PRKN: variants seen among roughly 807,000 people sequenced by gnomAD.
The protein encoded by PRKN is E3 ubiquitin-protein ligase parkin.
Under a neutral mutation model 59.5 loss-of-function variants are expected in PRKN, and 56 were observed. The observed-to-expected ratio is 0.94, with a 90% CI of 0.76 to 1.18. The LOEUF (loss-of-function observed/expected upper bound fraction) is 1.18. Ranked by LOEUF, PRKN falls within the 50% of genes most tolerant of loss-of-function variation. The pLI, the probability that PRKN is intolerant of heterozygous loss-of-function variation, is 0.00. For missense variants in PRKN, 657 were observed against 596.4 expected (o/e 1.10, Z -1.06); for synonymous variants, 250 against 222.1 (o/e 1.13, Z -1.12).
intron 10 of PRKN, among the ~76,000 whole-genome samples, chr6:161,374,525 G>GCTT (rs1785577185): frequency 7.4e-6 from 1 of 134,592 alleles, no homozygotes; most frequent in African/African-American, 2.8e-5. Context: ...TGTGTGTAAT[G>GCTT]GGTGTGTGGT....
At chr6:161,664,470 T>C (rs1358969601) in intron 7 of PRKN, among the ~76,000 whole-genome samples, 1 of 152,216 alleles carries the variant, frequency 6.6e-6, no homozygotes, top group Non-Finnish European at 1.5e-5. Context: ...GTCACTTTAT[T>C]TATAGTTACG....
At chr6:161,679,679 C>A (rs1472540041) in intron 7 of PRKN, among the ~76,000 whole-genome samples, 1 of 138,730 alleles carries the variant, frequency 7.2e-6, no homozygotes, top group African/African-American at 2.7e-5. Context: ...GAACCACCCC[C>A]CCCCCTTTTT....
intron 10 of PRKN, among the ~76,000 whole-genome samples, chr6:161,370,378 A>G (rs1185719171): frequency 1.3e-5 from 2 of 151,328 alleles, no homozygotes; most frequent in Non-Finnish European, 2.9e-5. Flanking sequence ...AGGTCAGATC[A>G]AACCATCCTG....
chr6:162,669,631 A>C (rs1584017638), intron 1 of PRKN, among the ~76,000 whole-genome samples: 1 of 152,120 alleles, frequency 6.6e-6, no homozygotes, highest in Non-Finnish European at 1.5e-5. Context: ...TACTTCCCCA[A>C]AACAGATACT....
At chr6:161,621,224 G>A (rs1464424692) in intron 7 of PRKN, among the ~76,000 whole-genome samples, 7 of 152,100 alleles carry the variant, frequency 4.6e-5, no homozygotes, top group South Asian at 4.2e-4. Context: ...CATATATGAG[G>A]GGAGATTTCT....
intron 1 of PRKN, among the ~76,000 whole-genome samples, chr6:162,509,410 A>G (rs1777485139): frequency 6.6e-6 from 1 of 152,178 alleles, no homozygotes; most frequent in Non-Finnish European, 1.5e-5. Context: ...ATGTTGCCAT[A>G]TTCCCTGAAT....
intron 1 of PRKN, among the ~76,000 whole-genome samples, chr6:162,598,744 T>C (rs1297539334): frequency 1.3e-5 from 2 of 150,462 alleles, no homozygotes; most frequent in East Asian, 2.0e-4. Flanking sequence ...TCCCAGTTAC[T>C]CGGGAGGCTG....
chr6:161,461,598 A>G lies in PRKN; in HGVS notation c.1084-74721T>C, dbSNP rs903438044. ...GGCCTTCTGGAATCAATCAGTTATC[A>G]GTCAGCCACTGGAGATAAAAGGGTC... On this transcript the variant is annotated intron_variant, in intron 9 of 11. Coordinates refer to ENST00000366898, the MANE Select transcript of PRKN (RefSeq NM_004562.3). The surrounding 1 kb of genome is among the most constrained non-coding windows in gnomAD (Gnocchi z 5.1). Among the ~76,000 whole-genome samples the G allele has an allele frequency of 2.6e-5, 4 of 152,152 alleles. No individual in the cohort carries two copies. Among genetic ancestry groups the G allele is most frequent in the Non-Finnish European group, 5.9e-5 (4 of 68,032 alleles).
rs1786934982 is a variant in PRKN at position 161,399,680 on chromosome 6, T to C, written c.1084-12803A>G. 6.6e-6 allele frequency among the ~76,000 whole-genome samples: 1 copy of C among 152,142 alleles called. No individual in the cohort carries two copies. Among genetic ancestry groups the C allele is most frequent in the South Asian group, 2.1e-4 (1 of 4,824 alleles). ...GACCAATGGAGTTTGCTGGAAATGA[T>C]AGCCCCCAGAAAGTACCAATCCCAG... On this transcript the variant is annotated intron_variant, in intron 9 of 11. Transcript: ENST00000366898. The surrounding 1 kb of genome is among the most constrained non-coding windows in gnomAD (Gnocchi z 4.4).
intron 6 of PRKN, among the ~76,000 whole-genome samples, chr6:161,902,523 C>CATCTATCTATCTATCT (rs1562378321): frequency 8.8e-6 from 1 of 113,794 alleles, no homozygotes; most frequent in Non-Finnish European, 1.8e-5. Context: ...AATAGACATC[C>CATCTATCTATCTATCT]GTCTATCTAT....
At chr6:162,422,954 C>CAAAAAAAAAAAAAA (rs61557917) in intron 2 of PRKN, among the ~76,000 whole-genome samples, 2 of 65,712 alleles carry the variant, frequency 3.0e-5, no homozygotes, top group Non-Finnish European at 5.7e-5. Flanking sequence ...TCCAAGAGAC[C>CAAAAAAAAAAAAAA]AAAAAAAAAA....
At chr6:162,676,130 T>C (rs759841334) in intron 1 of PRKN, among the ~76,000 whole-genome samples, 1 of 152,134 alleles carries the variant, frequency 6.6e-6, no homozygotes, top group Non-Finnish European at 1.5e-5. Flanking sequence ...GTAACAGAAA[T>C]ACAAAAGAAA....
intron 7 of PRKN, among the ~76,000 whole-genome samples, chr6:161,741,573 G>A (rs142047959): frequency 6.9e-4 from 105 of 152,192 alleles, no homozygotes; most frequent in Non-Finnish European, 1.3e-3. Flanking sequence ...CTTCAGACAC[G>A]ATCCCCACTG....
chr6:162,636,240 G>A (rs1777706466), intron 1 of PRKN, among the ~76,000 whole-genome samples: 1 of 125,384 alleles, frequency 8.0e-6, no homozygotes, highest in Admixed American at 8.5e-5. Context: ...TTTTTCTTTT[G>A]CAACAAGTCA....
At position 162,677,824 on chromosome 6, in the gene PRKN, C is replaced by T. The variant is rs373020219; in HGVS notation, c.7+49838G>A. ...GAAAGCTCTATTGAGGTCTGACACA[C>T]AATAAATCACATATATTTAATGTGT... On this transcript the variant is annotated intron_variant, in intron 1 of 11. Transcript: ENST00000366898. 4.6e-5 allele frequency among the ~76,000 whole-genome samples: 7 copies of T among 152,254 alleles called. 1 individual carries two copies. The highest frequency in any genetic ancestry group is 1.7e-4 in the African/African-American group (7 of 41,574).
intron 6 of PRKN, among the ~76,000 whole-genome samples, chr6:161,844,811 G>A (rs186758376): frequency 6.6e-6 from 1 of 152,348 alleles, no homozygotes; most frequent in Non-Finnish European, 1.5e-5. Flanking sequence ...TTCGCTTCAG[G>A]CCTGCCTGCC....
rs34279714 is a variant in PRKN, at chr6:161,352,771, A to ATATATTTT, written c.1286-2561_1286-2560insAAAATATA. The stretch of plus-strand genomic sequence containing the variant: ...TGTGTGTGTGTATATATATATATAT[A>ATATATTTT]TTTTATTTTATTTTATTTTATTTTT... On this transcript the variant is annotated intron_variant, in intron 11 of 11. Coordinates refer to ENST00000366898, the MANE Select transcript of PRKN (RefSeq NM_004562.3). The surrounding 1 kb of genome is among the most constrained non-coding windows in gnomAD (Gnocchi z 5.8). Among the ~76,000 whole-genome samples, 133 of 116,892 alleles carry ATATATTTT rather than the reference A, an allele frequency of 1.1e-3. No homozygotes were observed. The highest frequency in any genetic ancestry group is 3.6e-3 in the African/African-American group (123 of 34,476). 76.7% of individuals were successfully genotyped at this position (116,892 alleles called of 152,430 possible).
chr6:162,088,822 T>C (rs1779358863), intron 4 of PRKN, among the ~76,000 whole-genome samples: 1 of 152,164 alleles, frequency 6.6e-6, no homozygotes, highest in African/African-American at 2.4e-5. Flanking sequence ...ACAAGATGAT[T>C]CAATGGGGAA....
chr6:161,931,724 C>A (rs978990191), intron 6 of PRKN, among the ~76,000 whole-genome samples: 3 of 152,018 alleles, frequency 2.0e-5, no homozygotes, highest in Admixed American at 1.3e-4. Context: ...TAAAAGCACA[C>A]AAAATATTTA....
Sources: gnomAD v4.1 joint callset for allele counts (sites outside exome capture counted in the v4.1 genomes callset) on GRCh38, gnomAD v4.1.1 for gene constraint, Gnocchi (gnomAD v3.1) non-coding constraint, MANE v1.5 for transcripts, NCBI Gene and HGNC (gene_info 2026-07-23, HGNC 2026-07-21) for gene names.